PTPN23: variants seen among roughly 807,000 people sequenced by gnomAD.
The protein encoded by PTPN23 is tyrosine-protein phosphatase non-receptor type 23.
In PTPN23, 72 loss-of-function variants were observed where a neutral mutation model predicts 156.3. That is an observed-to-expected ratio of 0.46 (90% CI 0.38 to 0.56). The LOEUF (loss-of-function observed/expected upper bound fraction) is 0.56, where lower values mean the gene tolerates loss of function less well. PTPN23 is among the 20% of genes least tolerant of loss of function. PTPN23 has a pLI of 0.00. For synonymous variants in PTPN23, 957 were observed against 899.6 expected (o/e 1.06, Z -1.14); for missense variants, 1,974 against 2,171.5 (o/e 0.91, Z 1.81).
At chr3:47,389,762 C>G (rs967302363) in intron 1 of PTPN23, among the ~76,000 whole-genome samples, 1 of 151,082 alleles carries the variant, frequency 6.6e-6, no homozygotes, top group Non-Finnish European at 1.5e-5. Context: ...ATGGCGTGAA[C>G]CCGGGGGGGT....
rs778776927 is a variant in PTPN23 at position 47,407,615 on chromosome 3, G to T, written c.1003+31G>T. ...GGAGCTGAGAGGTGGGGGCAGAGGTGACGGTGGGGTGGGGACAGGACACAG... is the reference window on the plus strand; with the variant it reads ...GGAGCTGAGAGGTGGGGGCAGAGGTTACGGTGGGGTGGGGACAGGACACAG... On this transcript the variant is annotated intron_variant, in intron 12 of 24. Coordinates refer to ENST00000265562, the MANE Select transcript of PTPN23 (RefSeq NM_015466.4). The surrounding 1 kb of genome is among the most constrained non-coding windows in gnomAD (Gnocchi z 4.0). The T allele has an allele frequency of 9.3e-6, 15 of 1,607,826 alleles. No individual in the cohort carries two copies. Among genetic ancestry groups the T allele is most frequent in the African/African-American group, 1.3e-5 (1 of 74,780 alleles).
At chr3:47,388,271 C>T (rs562848952) in intron 1 of PTPN23, among the ~76,000 whole-genome samples, 1 of 152,162 alleles carries the variant, frequency 6.6e-6, no homozygotes, top group South Asian at 2.1e-4. Context: ...TGCAAAGGCA[C>T]GATCTTGGCA....
Position 47,410,147 on chromosome 3 carries a change from A to AC in PTPN23, c.2353dup (p.His785ProfsTer102). On this transcript the variant is annotated frameshift_variant, in exon 20 of 25. Coordinates refer to ENST00000265562, the MANE Select transcript of PTPN23 (RefSeq NM_015466.4). LOFTEE classifies it high-confidence loss of function. The stretch of plus-strand genomic sequence containing the variant: ...CCTTCCCCAGCTCCACAGGCCCAGG[A>AC]CCCCACTATCTCTCAGGCCCCTTGC... The AC allele has an allele frequency of 6.3e-7, 1 of 1,591,554 alleles. No homozygotes were observed. The highest frequency in any genetic ancestry group is 8.6e-7 in the Non-Finnish European group (1 of 1,167,928).
At chr3:47,402,703 GTTTT>G (rs376504793) in intron 2 of PTPN23, among the ~76,000 whole-genome samples, 2 of 151,938 alleles carry the variant, frequency 1.3e-5, no homozygotes, top group African/African-American at 4.8e-5. Context: ...CTATTTGTGG[GTTTT>G]TTTGTTTTTT....
Position 47,405,146 on chromosome 3 carries a change from T to G in PTPN23, c.364+65T>G. 6.7e-7 allele frequency: 1 copy of G among 1,483,544 alleles called. No individual in the cohort carries two copies. 91.9% of individuals were successfully genotyped at this position (1,483,544 alleles called of 1,614,324 possible). A position where few individuals can be genotyped will look rare whatever the true frequency, so the allele number is the denominator to read the frequency against. On this transcript the variant is annotated intron_variant, in intron 4 of 24. Transcript: ENST00000265562. The surrounding 1 kb of genome is among the most constrained non-coding windows in gnomAD (Gnocchi z 4.7). The stretch of plus-strand genomic sequence containing the variant: ...TCCTGCCAGCCTAGCTTTCAGCTCT[T>G]CAGATGGCCACAAAGGCAGTGGGCT...
At chr3:47,388,903 G>A (rs1424243035) in intron 1 of PTPN23, among the ~76,000 whole-genome samples, 1 of 152,034 alleles carries the variant, frequency 6.6e-6, no homozygotes, top group African/African-American at 2.4e-5. Flanking sequence ...GACCTCAGAT[G>A]ATCCACCCGC....
rs775550926 is a variant in PTPN23 at position 47,411,132 on chromosome 3, C to T, written c.3334C>T (p.Arg1112Ter). The change falls in exon 20 of 25, where the codon CGA becomes TGA. Residue 1112 changes from arginine (R) to a stop codon, truncating the protein, a stop_gained. Coordinates refer to ENST00000265562, the MANE Select transcript of PTPN23 (RefSeq NM_015466.4). LOFTEE classifies it high-confidence loss of function. The surrounding 1 kb of genome is among the most constrained non-coding windows in gnomAD (Gnocchi z 6.3). ...PAAEPPPCLR[R>*]GAAAADLLSS... Reference sequence around the variant, plus strand: ...AGCAGAACCACCCCCTTGCCTGCGCCGAGGCGCCGCAGCTGCAGACCTGCT... The same window carrying T: ...AGCAGAACCACCCCCTTGCCTGCGCTGAGGCGCCGCAGCTGCAGACCTGCT... 11 of 1,600,806 alleles carry T rather than the reference C, an allele frequency of 6.9e-6. No individual in the cohort carries two copies. Among genetic ancestry groups the T allele is most frequent in the African/African-American group, 5.4e-5 (4 of 74,460 alleles).
chr3:47,410,684 TCCTTCA>T lies in PTPN23; in HGVS notation c.2888_2893del (p.Pro963_Ser964del). ...AGCCCCAGCCCCATCCTCAGCCCCA[TCCTTCA>T]CAAGCGTTTGGGCCTCAGCCCCCAC... On this transcript the variant is annotated inframe_deletion, in exon 20 of 25. Coordinates refer to ENST00000265562, the MANE Select transcript of PTPN23 (RefSeq NM_015466.4). The T allele has an allele frequency of 6.2e-7, 1 of 1,600,430 alleles. No individual in the cohort carries two copies. Among genetic ancestry groups the T allele is most frequent in the African/African-American group, 1.4e-5 (1 of 71,474 alleles).
In PTPN23 at chr3:47,407,008, G is replaced by A; in HGVS notation, c.808-122G>A. Reference sequence around the variant, plus strand: ...CCACCTTGCTGCTGTTGGCTGGGGTGGTGCCCGGCTGCCTCCTGAGCTGCT... The same window carrying A: ...CCACCTTGCTGCTGTTGGCTGGGGTAGTGCCCGGCTGCCTCCTGAGCTGCT... On this transcript the variant is annotated intron_variant, in intron 9 of 24. Coordinates refer to ENST00000265562, the MANE Select transcript of PTPN23 (RefSeq NM_015466.4). The surrounding 1 kb of genome is among the most constrained non-coding windows in gnomAD (Gnocchi z 4.0). The A allele has an allele frequency of 7.6e-7, 1 of 1,319,750 alleles. No individual in the cohort carries two copies. The highest frequency in any genetic ancestry group is 1.1e-6 in the Non-Finnish European group (1 of 942,010). The allele number at this position is 1,319,750 out of a possible 1,614,324, so 81.8% of individuals were successfully genotyped here.
chr3:47,412,234 C>T (rs373075258), intron 22 of PTPN23, 36 bp downstream of exon 22: 72 of 1,613,162 alleles, frequency 4.5e-5, no homozygotes, highest in Non-Finnish European at 5.8e-5. Flanking sequence ...CCTCTATGGG[C>T]TCTTGGCCTA....
chr3:47,382,710 A>C (rs1299805032), intron 1 of PTPN23, among the ~76,000 whole-genome samples: 1 of 33,442 alleles, frequency 3.0e-5, no homozygotes, highest in Non-Finnish European at 5.6e-5. Flanking sequence ...TTTTTTTGAG[A>C]CGGAGTCTCA....
chr3:47,412,987 G>T lies in PTPN23; in HGVS notation c.4713G>T (p.Gly1571=). The T allele has an allele frequency of 1.2e-6, 2 of 1,611,414 alleles. No individual in the cohort carries two copies. Among genetic ancestry groups the T allele is most frequent in the Non-Finnish European group, 1.7e-6 (2 of 1,179,100 alleles). Residue 1571 remains glycine (G), a synonymous_variant, in exon 25 of 25, where the codon GGG becomes GGT. Transcript: ENST00000265562. Reference sequence around the variant, plus strand: ...CAGTGCCTGAAGCCCCCAGCTCGGGGCCCCCCTCCTCCTCCCTGGAATTGC... The same window carrying T: ...CAGTGCCTGAAGCCCCCAGCTCGGGTCCCCCCTCCTCCTCCCTGGAATTGC... ...EPPVPEAPSS[G]PPSSSLELLA... is the part of the protein sequence containing the mutation.
At chr3:47,396,120 C>T (rs757738775) in intron 1 of PTPN23, 23 bp from the exon 2 acceptor site, 3 of 1,602,622 alleles carry the variant, frequency 1.9e-6, no homozygotes, top group African/African-American at 2.7e-5. Flanking sequence ...CTGCCACTGG[C>T]TTATGTTCTT....
At position 47,406,146 on chromosome 3, in the gene PTPN23, C is replaced by G; in HGVS notation, c.546+100C>G. ...GATCCTGGACCAAGGCAGTGAGGGA[C>G]AAGCAAGGGGCCTTGGCTTTGTTGA... is the stretch of plus-strand genomic sequence containing the variant. On this transcript the variant is annotated intron_variant, in intron 6 of 24. Coordinates refer to ENST00000265562, the MANE Select transcript of PTPN23 (RefSeq NM_015466.4). This position sits in a 1 kb window ranked among gnomAD's most constrained non-coding sequence, Gnocchi z 5.8. 6.6e-7 allele frequency: 1 copy of G among 1,524,584 alleles called. No individual in the cohort carries two copies. The highest frequency in any genetic ancestry group is 8.9e-7 in the Non-Finnish European group (1 of 1,129,444). 94.4% of individuals were successfully genotyped at this position (1,524,584 alleles called of 1,614,324 possible).
rs369746238 is a variant in PTPN23, at chr3:47,412,063, A to G, written c.4074-31A>G. Reference sequence around the variant, plus strand: ...GAGCCTCAGGTCAGGCCTGGCTCATAGGCTCTTCCTGGCCCCATCCTGTCC... The same window carrying G: ...GAGCCTCAGGTCAGGCCTGGCTCATGGGCTCTTCCTGGCCCCATCCTGTCC... On this transcript the variant is annotated intron_variant, in intron 21 of 24. Coordinates refer to ENST00000265562, the MANE Select transcript of PTPN23 (RefSeq NM_015466.4). 3.6e-4 allele frequency: 578 copies of G among 1,612,130 alleles called. 7 individuals are homozygous for G. In the South Asian group the frequency reaches 6.0e-3, roughly 17 times the overall value.
At chr3:47,392,770 A>G (rs755867058) in intron 1 of PTPN23, among the ~76,000 whole-genome samples, 19 of 152,306 alleles carry the variant, frequency 1.2e-4, no homozygotes, top group Non-Finnish European at 2.8e-4. Flanking sequence ...GCTCTTCAGC[A>G]ACTCTTAAGA....
intron 2 of PTPN23, among the ~76,000 whole-genome samples, chr3:47,403,311 G>A (rs553847135): frequency 6.6e-6 from 1 of 151,188 alleles, no homozygotes; most frequent in Non-Finnish European, 1.5e-5. Flanking sequence ...CTCGGCCTCC[G>A]AAAGTGCTGG....
In PTPN23 at chr3:47,411,091, C is replaced by A. The variant is rs1705273873; in HGVS notation, c.3293C>A (p.Pro1098His). The change falls in exon 20 of 25, where the codon CCC becomes CAC. Residue 1098 changes from proline (P) to histidine (H), a missense_variant. Physicochemically the swap from Pro to His is moderately conservative, Grantham distance 77. Coordinates refer to ENST00000265562, the MANE Select transcript of PTPN23 (RefSeq NM_015466.4). The surrounding 1 kb of genome is among the most constrained non-coding windows in gnomAD (Gnocchi z 6.3). The part of the protein sequence containing the change: ...PAPSPGPGPV[P>H]PRPPAAEPPP... Reference sequence around the variant, plus strand: ...CCATCTCCAGGGCCTGGTCCGGTACCCCCTCGCCCCCCAGCAGCAGAACCA... The same window carrying A: ...CCATCTCCAGGGCCTGGTCCGGTACACCCTCGCCCCCCAGCAGCAGAACCA... 1 of 1,592,066 alleles carries A rather than the reference C, an allele frequency of 6.3e-7. No individual in the cohort carries two copies. Among genetic ancestry groups the A allele is most frequent in the Non-Finnish European group, 8.5e-7 (1 of 1,170,098 alleles).
intron 2 of PTPN23, among the ~76,000 whole-genome samples, chr3:47,402,780 A>G (rs1204508221): frequency 6.6e-6 from 1 of 152,112 alleles, no homozygotes; most frequent in Non-Finnish European, 1.5e-5. Context: ...ATCTCAGCTC[A>G]CTGCAACCTC....
Sources: allele counts gnomAD v4.1 joint callset (sites outside exome capture counted in the v4.1 genomes callset), GRCh38; gene constraint gnomAD v4.1.1; non-coding constraint Gnocchi (gnomAD v3.1); transcripts MANE v1.5; gene names NCBI Gene and HGNC (gene_info 2026-07-23, HGNC 2026-07-21).